The following RICTOR variants were observed in gnomAD, a reference collection of about 807,000 sequenced individuals.
The protein encoded by RICTOR is RPTOR independent companion of MTOR complex 2.
A neutral mutation model predicts 214.9 loss-of-function variants in RICTOR; 49 were observed. That is an observed-to-expected ratio of 0.23 (90% CI 0.18 to 0.29). The LOEUF is 0.29. Ranked by LOEUF, RICTOR falls within the 10% of genes least tolerant of loss-of-function variation. The probability of loss-of-function intolerance (pLI) is 1.00; values close to 1 mark genes in which losing one functional copy is unlikely to be tolerated. For missense variants in RICTOR, 1,625 were observed against 2,047.0 expected (o/e 0.79, Z 3.98); for synonymous variants, 717 against 711.3 (o/e 1.01, Z -0.13).
intron 31 of RICTOR, chr5:38,949,297 A>G: frequency 9.0e-7 from 1 of 1,114,534 alleles, no homozygotes; most frequent in South Asian, 1.5e-5. Context: ...TGAAATTTTC[A>G]TTTATCTTTT....
rs1748318576 is a variant in RICTOR at position 38,947,323 on chromosome 5, C to A, written c.4255G>T (p.Gly1419Trp). 3 of 1,613,050 alleles carry A rather than the reference C, an allele frequency of 1.9e-6. No individual in the cohort carries two copies. The highest frequency in any genetic ancestry group is 1.7e-4 in the Middle Eastern group (1 of 6,060). The part of the protein sequence containing the change: ...VRSMVSSATY[G>W]GSDDYIGLAL... The stretch of plus-strand genomic sequence containing the variant: ...AGACCAATGTAATCATCTGAACCCC[C>A]ATATGTGGCACTGGACACCATGGAC... The change falls in exon 32 of 38, where the codon GGG (glycine) becomes TGG (tryptophan). Residue 1419 changes from glycine (G) to tryptophan (W), a missense_variant. Transcript: ENST00000357387.
intron 2 of RICTOR, among the ~76,000 whole-genome samples, chr5:39,060,454 A>G (rs2150204316): frequency 6.6e-6 from 1 of 152,190 alleles, no homozygotes; most frequent in South Asian, 2.1e-4. Context: ...ACTGCATTGT[A>G]AAGTGACAGC....
chr5:38,972,005 A>G, intron 10 of RICTOR, 46 bp from the exon 11 acceptor site: 1 of 832,864 alleles, frequency 1.2e-6, no homozygotes. Context: ...TGAATTTCAA[A>G]AAAATTTCTA....
At chr5:39,057,931 T>G (rs1758304719) in intron 2 of RICTOR, among the ~76,000 whole-genome samples, 1 of 152,170 alleles carries the variant, frequency 6.6e-6, no homozygotes, top group Non-Finnish European at 1.5e-5. Flanking sequence ...CTTCTTTACC[T>G]TCATACACTT....
At chr5:39,066,285 T>C (rs936818381) in intron 2 of RICTOR, among the ~76,000 whole-genome samples, 6 of 152,326 alleles carry the variant, frequency 3.9e-5, no homozygotes, top group African/African-American at 1.4e-4. Context: ...TGAACAAGGC[T>C]GGAAGCCTGA....
At chr5:39,003,671 C>G (rs1753817142) in intron 3 of RICTOR, 49 bp from the exon 4 acceptor site, 2 of 1,123,846 alleles carry the variant, frequency 1.8e-6, no homozygotes, top group African/African-American at 3.1e-5. Flanking sequence ...TATATTTTCA[C>G]ATATTTATAT....
intron 30 of RICTOR, 132 bp downstream of exon 30, chr5:38,952,064 A>G: frequency 1.6e-6 from 1 of 611,972 alleles, no homozygotes; most frequent in South Asian, 2.1e-5. Context: ...ACATTCTCCA[A>G]GAGGCTATTA....
intron 3 of RICTOR, among the ~76,000 whole-genome samples, chr5:39,013,267 A>G (rs1485180646): frequency 6.6e-6 from 1 of 152,228 alleles, no homozygotes; most frequent in Non-Finnish European, 1.5e-5. Context: ...TTATAAAAGC[A>G]AAACAAATAC....
At chr5:39,059,362 G>T (rs1040935355) in intron 2 of RICTOR, among the ~76,000 whole-genome samples, 1 of 152,082 alleles carries the variant, frequency 6.6e-6, no homozygotes, top group Non-Finnish European at 1.5e-5. Context: ...TTCCTTGGCT[G>T]GGAAAGTAGT....
In RICTOR at chr5:38,959,951, C is replaced by T; in HGVS notation, c.1879G>A (p.Val627Ile). ...EDGQGYLEDL[V>I]KDIVQWLNAS... ...TTGAGCCACTGAACAATATCCTTTACTAGATCTTCTAAGTAGCCTTGCCCA... is the reference window on the plus strand; with the variant it reads ...TTGAGCCACTGAACAATATCCTTTATTAGATCTTCTAAGTAGCCTTGCCCA... The change falls in exon 21 of 38, where the codon GTA becomes ATA. Residue 627 changes from valine to isoleucine, a missense_variant. Val to Ile is a conservative substitution (Grantham distance 29). Coordinates refer to ENST00000357387, the MANE Select transcript of RICTOR (RefSeq NM_152756.5). The T allele has an allele frequency of 1.2e-6, 2 of 1,611,506 alleles. No individual in the cohort carries two copies. The highest frequency in any genetic ancestry group is 4.5e-5 in the East Asian group (2 of 44,806).
chr5:38,987,657 A>G (rs1451451442), intron 7 of RICTOR, among the ~76,000 whole-genome samples: 1 of 151,970 alleles, frequency 6.6e-6, no homozygotes, highest in Non-Finnish European at 1.5e-5. Flanking sequence ...TCAAAAAACC[A>G]GCTCCTGGAT....
intron 2 of RICTOR, among the ~76,000 whole-genome samples, chr5:39,051,309 C>T (rs898195190): frequency 2.6e-5 from 4 of 152,128 alleles, no homozygotes; most frequent in African/African-American, 9.7e-5. Context: ...AGACACTACG[C>T]TGGGGTCTAT....
chr5:39,028,701 AT>A (rs1486517225), intron 2 of RICTOR, among the ~76,000 whole-genome samples: 1 of 152,298 alleles, frequency 6.6e-6, no homozygotes, highest in East Asian at 1.9e-4. Flanking sequence ...GGATAAACAA[AT>A]TGTAGTATAT....
chr5:39,024,096 G>A (rs962863232), intron 2 of RICTOR, among the ~76,000 whole-genome samples: 1 of 152,132 alleles, frequency 6.6e-6, no homozygotes, highest in South Asian at 2.1e-4. Context: ...GCGCAACCTA[G>A]ATCCCTCGCA....
At chr5:38,996,734 A>G (rs1439011578) in intron 6 of RICTOR, 85 bp downstream of exon 6, 3 of 782,604 alleles carry the variant, frequency 3.8e-6, no homozygotes, top group Non-Finnish European at 6.4e-6. Context: ...ATCTTAATAA[A>G]GATTTCACAA....
At chr5:39,040,088 C>T (rs1712812046) in intron 2 of RICTOR, among the ~76,000 whole-genome samples, 1 of 151,980 alleles carries the variant, frequency 6.6e-6, no homozygotes, top group Admixed American at 6.6e-5. Context: ...CAATAATAGA[C>T]TGGATTAAGA....
intron 10 of RICTOR, among the ~76,000 whole-genome samples, chr5:38,973,490 G>A (rs1750955065): frequency 6.6e-6 from 1 of 152,166 alleles, no homozygotes. Context: ...GGTGTTCACT[G>A]TATAGTTTTT....
At chr5:39,044,476 T>C (rs1757357891) in intron 2 of RICTOR, among the ~76,000 whole-genome samples, 1 of 152,080 alleles carries the variant, frequency 6.6e-6, no homozygotes, top group Non-Finnish European at 1.5e-5. Context: ...TGAGTAGTTA[T>C]AATAATGATA....
At chr5:39,037,877 T>G (rs1756854383) in intron 2 of RICTOR, among the ~76,000 whole-genome samples, 2 of 152,204 alleles carry the variant, frequency 1.3e-5, no homozygotes, top group South Asian at 4.1e-4. Flanking sequence ...CACAGCCAAG[T>G]TCTACCAGAA....
Sources: gnomAD v4.1 joint callset for allele counts (sites outside exome capture counted in the v4.1 genomes callset) on GRCh38, gnomAD v4.1.1 for gene constraint, MANE v1.5 for transcripts, NCBI Gene and HGNC (gene_info 2026-07-23, HGNC 2026-07-21) for gene names.